The following KCND2 variants were observed in gnomAD, a reference collection of about 807,000 sequenced individuals.
The protein encoded by KCND2 is potassium voltage-gated channel subfamily D member 2.
KCND2 carries 16 observed loss-of-function variants against 54.4 expected under a neutral mutation model. That is an observed-to-expected ratio of 0.29 (90% CI 0.20 to 0.45). The LOEUF is 0.45. Among genes scored for constraint, KCND2 ranks in the 20% least tolerant of loss-of-function variants. The pLI is 1.00. For synonymous variants in KCND2, 317 were observed against 310.7 expected, an observed-to-expected ratio of 1.02 and a Z score of -0.21; for missense variants, 486 against 824.2, an observed-to-expected ratio of 0.59 and a Z score of 5.02.
chr7:120,569,337 C>T (rs1792335373), intron 1 of KCND2, among the ~76,000 whole-genome samples: 1 of 152,110 alleles, frequency 6.6e-6, no homozygotes, highest in Admixed American at 6.6e-5. Flanking sequence ...AATGGTTAAT[C>T]ATTGCCTCTG....
chr7:120,568,643 T>C (rs930879567), intron 1 of KCND2, among the ~76,000 whole-genome samples: 1 of 152,154 alleles, frequency 6.6e-6, no homozygotes, highest in Non-Finnish European at 1.5e-5. Flanking sequence ...AATGGATTAG[T>C]GCATGGGTTC....
intron 1 of KCND2, among the ~76,000 whole-genome samples, chr7:120,390,730 T>C (rs1051031619): frequency 6.6e-6 from 1 of 152,026 alleles, no homozygotes; most frequent in Non-Finnish European, 1.5e-5. Context: ...TCATCATTTT[T>C]TACTTGCTCA....
chr7:120,372,079 T>C (rs1030380800), intron 1 of KCND2, among the ~76,000 whole-genome samples: 1 of 151,984 alleles, frequency 6.6e-6, no homozygotes, highest in African/African-American at 2.4e-5. Flanking sequence ...ACTGATTTTA[T>C]TCTTTTTGGT....
intron 1 of KCND2, among the ~76,000 whole-genome samples, chr7:120,558,992 ACT>A (rs1491465850): frequency 1.2e-5 from 1 of 81,800 alleles, no homozygotes; most frequent in Non-Finnish European, 3.2e-5. Flanking sequence ...TTCACAAAGT[ACT>A]GTGTGTGTGT....
chr7:120,700,318 A>T (rs566105140), intron 1 of KCND2, among the ~76,000 whole-genome samples: 3 of 152,236 alleles, frequency 2.0e-5, no homozygotes, highest in Non-Finnish European at 4.4e-5. Flanking sequence ...TGGCTAATTC[A>T]TATAAGTTTA....
At chr7:120,466,017 A>G (rs1048366820) in intron 1 of KCND2, among the ~76,000 whole-genome samples, 28 of 152,172 alleles carry the variant, frequency 1.8e-4, no homozygotes, top group Non-Finnish European at 3.8e-4. Context: ...ACATTTGGAG[A>G]TAATTATTTG....
intron 1 of KCND2, among the ~76,000 whole-genome samples, chr7:120,365,478 G>A (rs1159069420): frequency 1.3e-5 from 2 of 152,054 alleles, no homozygotes; most frequent in African/African-American, 4.8e-5. Flanking sequence ...ATCAGCAAGA[G>A]CTCCGTTTTC....
At chr7:120,503,358 T>G (rs1197461879) in intron 1 of KCND2, among the ~76,000 whole-genome samples, 2 of 150,688 alleles carry the variant, frequency 1.3e-5, no homozygotes, top group African/African-American at 4.9e-5. Flanking sequence ...CATTTCAAAA[T>G]TTGAGATTAC....
intron 1 of KCND2, among the ~76,000 whole-genome samples, chr7:120,557,283 A>G (rs1207947190): frequency 1.3e-5 from 2 of 152,268 alleles, no homozygotes; most frequent in Middle Eastern, 3.4e-3. Flanking sequence ...TCTTTATGCT[A>G]CAAACATTAT....
At chr7:120,638,970 A>G (rs2116526854) in intron 1 of KCND2, among the ~76,000 whole-genome samples, 1 of 152,202 alleles carries the variant, frequency 6.6e-6, no homozygotes, top group Non-Finnish European at 1.5e-5. Context: ...TTATCACTTT[A>G]CCAAATTCCT....
intron 1 of KCND2, among the ~76,000 whole-genome samples, chr7:120,678,980 G>A (rs1792107092): frequency 6.6e-6 from 1 of 151,332 alleles, no homozygotes. Flanking sequence ...TAAACTCTTC[G>A]AAGATACTAA....
At chr7:120,403,476 C>A (rs1028407873) in intron 1 of KCND2, among the ~76,000 whole-genome samples, 19 of 148,266 alleles carry the variant, frequency 1.3e-4, no homozygotes, top group Admixed American at 6.9e-5. Context: ...CTACCAGGCC[C>A]GGCTAATTTT....
In KCND2 at chr7:120,395,872, G is replaced by A. The variant is rs906539129; in HGVS notation, c.1115+120125G>A. Among the ~76,000 whole-genome samples, 3 of 151,828 alleles carry A rather than the reference G, an allele frequency of 2.0e-5. No individual in the cohort carries two copies. In the South Asian group the frequency reaches 6.2e-4, roughly 32 times the overall value. ...TGGCCTCTTCACTGCATGCTATTTT[G>A]ACCAGATCCTGCTTTTATCAAGGTG... On this transcript the variant is annotated intron_variant, in intron 1 of 5. Transcript: ENST00000331113.
intron 1 of KCND2, among the ~76,000 whole-genome samples, chr7:120,530,767 T>G (rs1562865258): frequency 6.6e-6 from 1 of 152,158 alleles, no homozygotes; most frequent in Admixed American, 6.6e-5. Context: ...CAAATAATAA[T>G]AGAATAATAT....
At chr7:120,558,050 G>A (rs1792185829) in intron 1 of KCND2, among the ~76,000 whole-genome samples, 1 of 151,982 alleles carries the variant, frequency 6.6e-6, no homozygotes, top group Non-Finnish European at 1.5e-5. Flanking sequence ...TTTTATTAAT[G>A]TTTCCCCTGA....
chr7:120,368,924 C>A (rs920801654), intron 1 of KCND2, among the ~76,000 whole-genome samples: 1 of 151,322 alleles, frequency 6.6e-6, no homozygotes, highest in Middle Eastern at 3.4e-3. Context: ...TTCAGTTATT[C>A]ATTGTCCTTC....
chr7:120,372,130 T>G (rs1355364050), intron 1 of KCND2, among the ~76,000 whole-genome samples: 1 of 151,980 alleles, frequency 6.6e-6, no homozygotes, highest in Non-Finnish European at 1.5e-5. Flanking sequence ...TTGGTATTGT[T>G]TTAGATATAA....
rs149511662 is a variant in KCND2, at chr7:120,629,452, C to G, written c.1116-103451C>G. Among the ~76,000 whole-genome samples, 1,159 of 152,028 alleles carry G rather than the reference C, an allele frequency of 7.6e-3. 10 individuals carry two copies. The highest frequency in any genetic ancestry group is 0.012 in the Non-Finnish European group (843 of 67,994). ...AGTGAGCCGAGATGGTGCCACTGCA[C>G]TCCATCCTGGGCGACAGAGCGAGAC... On this transcript the variant is annotated intron_variant, in intron 1 of 5. Coordinates refer to ENST00000331113, the MANE Select transcript of KCND2 (RefSeq NM_012281.3).
intron 1 of KCND2, among the ~76,000 whole-genome samples, chr7:120,297,208 T>C (rs1799524695): frequency 6.6e-6 from 1 of 152,090 alleles, no homozygotes; most frequent in Non-Finnish European, 1.5e-5. Flanking sequence ...TCTGTCCAAA[T>C]GTCTGTCCAA....
Sources: allele counts gnomAD v4.1 joint callset (sites outside exome capture counted in the v4.1 genomes callset), GRCh38; gene constraint gnomAD v4.1.1; transcripts MANE v1.5; gene names NCBI Gene and HGNC (gene_info 2026-07-23, HGNC 2026-07-21).